The following ABCA2 variants were observed in gnomAD, a reference collection of about 807,000 sequenced individuals.
ABCA2 encodes ATP-binding cassette sub-family A member 2.
In ABCA2, 84 loss-of-function variants were observed where a neutral mutation model predicts 262.8. The observed-to-expected ratio is 0.32, with a 90% CI of 0.27 to 0.38. The LOEUF is 0.38. Among genes scored for constraint, ABCA2 ranks in the 10% least tolerant of loss-of-function variants. The probability of loss-of-function intolerance (pLI) is 1.00; values close to 1 mark genes in which losing one functional copy is unlikely to be tolerated. For synonymous variants in ABCA2, 1,696 were observed against 1,502.9 expected (o/e 1.13, Z -2.97); for missense variants, 2,662 against 3,405.9 (o/e 0.78, Z 5.44).
At position 137,021,271 on chromosome 9, in the gene ABCA2, C is replaced by A; in HGVS notation, c.897+121G>T. On this transcript the variant is annotated intron_variant, in intron 8 of 48. Transcript: ENST00000341511. The surrounding 1 kb of genome is among the most constrained non-coding windows in gnomAD (Gnocchi z 6.0). ...GCCATGGTGCCATTGGATACCCACC[C>A]ACAGGCAGCATCCCACGCACAGCCT... The A allele has an allele frequency of 7.4e-7, 1 of 1,355,388 alleles. No individual in the cohort carries two copies. Among genetic ancestry groups the A allele is most frequent in the Non-Finnish European group, 1.0e-6 (1 of 1,004,262 alleles). The allele number at this position is 1,355,388 out of a possible 1,614,324, so 84.0% of individuals were successfully genotyped here. A position where few individuals can be genotyped will look rare whatever the true frequency, so the allele number is the denominator to read the frequency against.
chr9:137,024,622 C>G (rs1831588981), intron 1 of ABCA2, among the ~76,000 whole-genome samples: 1 of 152,198 alleles, frequency 6.6e-6, no homozygotes, highest in Non-Finnish European at 1.5e-5. Flanking sequence ...ACTAGCCCCG[C>G]CTACACTTCC....
chr9:137,012,222 C>CCCCAACAA, intron 33 of ABCA2, 43 bp downstream of exon 33: 1 of 1,560,960 alleles, frequency 6.4e-7, no homozygotes, highest in Non-Finnish European at 8.8e-7. Flanking sequence ...GCCCCGGCCC[C>CCCCAACAA]AGCTCCTCCC....
intron 1 of ABCA2, 77 bp downstream of exon 1, chr9:137,027,998 C>G (rs962029547): frequency 1.2e-6 from 1 of 835,360 alleles, no homozygotes; most frequent in Non-Finnish European, 1.4e-6. Context: ...GCCGTCCGCA[C>G]GTGCGCGCGG....
Position 137,012,752 on chromosome 9 carries a change from C to CA in ABCA2, c.5040dup (p.Glu1681Ter). The CA allele has an allele frequency of 6.2e-7, 1 of 1,612,676 alleles. No individual in the cohort carries two copies. Among genetic ancestry groups the CA allele is most frequent in the Non-Finnish European group, 8.5e-7 (1 of 1,179,918 alleles). ...CGGTCGGAGGTGAAGAGCAGGTACT[C>CA]AGAGACATTGTGGCCGGTGATGTCG... On this transcript the variant is annotated frameshift_variant, in exon 31 of 49. Coordinates refer to ENST00000341511, the MANE Select transcript of ABCA2 (RefSeq NM_001606.5). LOFTEE classifies it high-confidence loss of function.
chr9:137,014,369 C>T lies in ABCA2; in HGVS notation c.4039G>A (p.Ala1347Thr), dbSNP rs946144449. The change falls in exon 27 of 49, where the codon GCG (alanine) becomes ACG (threonine). Residue 1347 changes from alanine to threonine, a missense_variant. By Grantham distance (58) the Ala-to-Thr change is moderately conservative. Around this residue, in one of 12 missense-constraint regions of ABCA2, gnomAD observed 297 missense variants for 286.5 expected, o/e 1.04. Coordinates refer to ENST00000341511, the MANE Select transcript of ABCA2 (RefSeq NM_001606.5). Reference protein sequence around the residue: ...KESRKDVLPGAEGPASGEGHA... With the variant: ...KESRKDVLPGTEGPASGEGHA... ...CCCTCCCCAGACGCCGGGCCCTCCG[C>T]CCCAGGGAGCACATCCTTCCTGGAC... The T allele has an allele frequency of 1.9e-6, 3 of 1,596,442 alleles. No individual in the cohort carries two copies. In the African/African-American group the frequency reaches 4.0e-5, roughly 21 times the overall value.
chr9:137,023,039 C>T lies in ABCA2; in HGVS notation c.177G>A (p.Ala59=), dbSNP rs533215580. The T allele has an allele frequency of 2.6e-5, 41 of 1,586,360 alleles. No individual in the cohort carries two copies. The East Asian group carries it at 5.7e-4, about 22-fold the overall frequency. The change falls in exon 4 of 49, where the codon GCG becomes GCA. Residue 59 remains alanine (A), a synonymous_variant. Transcript: ENST00000341511. ...GGATGCCGGCAGACGTCAGGGGCGCCGCTGTGTAGAAGGCTGGCAGACCCA... is the reference window on the plus strand; with the variant it reads ...GGATGCCGGCAGACGTCAGGGGCGCTGCTGTGTAGAAGGCTGGCAGACCCA... The part of the protein sequence containing the change: ...ISVKEVSFYT[A]APLTSAGILP...
rs1452828647 is a variant in ABCA2 at position 137,010,687 on chromosome 9, C to G, written c.6107G>C (p.Ser2036Thr). The G allele has an allele frequency of 1.2e-6, 2 of 1,612,510 alleles. No homozygotes were observed. ...KPVEDDVDVA[S>T]ERQRVLRGDA... ...TCCCCGGAGCACTCGCTGCCGCTCACTGGCCACGTCCACATCATCCTCCAC... is the reference window on the plus strand; with the variant it reads ...TCCCCGGAGCACTCGCTGCCGCTCAGTGGCCACGTCCACATCATCCTCCAC... The change falls in exon 40 of 49, where the codon AGT becomes ACT. Residue 2036 changes from serine (S) to threonine (T), a missense_variant. Transcript: ENST00000341511.
At chr9:137,022,602 A>G in intron 5 of ABCA2, 100 bp downstream of exon 5, 3 of 1,556,482 alleles carry the variant, frequency 1.9e-6, no homozygotes, top group Non-Finnish European at 2.6e-6. Flanking sequence ...CTGGGAACTC[A>G]GTGCAGGTGG....
chr9:137,008,311 C>G, intron 48 of ABCA2, 105 bp downstream of exon 48: 5 of 1,330,282 alleles, frequency 3.8e-6, no homozygotes, highest in Admixed American at 2.0e-5. Context: ...GGACAGCAAG[C>G]ATCCTGGGGC....
At chr9:137,017,463 T>G (rs1189016605) in intron 17 of ABCA2, 39 bp downstream of exon 17, 9 of 1,597,272 alleles carry the variant, frequency 5.6e-6, no homozygotes, top group Non-Finnish European at 7.7e-6. Context: ...GCTGGGCAAG[T>G]GCCTGCCCCA....
intron 10 of ABCA2, chr9:137,020,013 G>T: frequency 3.3e-6 from 1 of 305,938 alleles, no homozygotes. Flanking sequence ...AACCCAAACT[G>T]CCCAGCTGCC....
rs1220266662 is a variant in ABCA2, at chr9:137,011,385, C to T, written c.5799+22G>A. The stretch of plus-strand genomic sequence containing the variant: ...CAGCCTCCGCAGGGTCCGCCACCCC[C>T]ACCATGTCGTCACCGCCCCACCTTG... On this transcript the variant is annotated intron_variant, in intron 37 of 48. Transcript: ENST00000341511. The surrounding 1 kb of genome is among the most constrained non-coding windows in gnomAD (Gnocchi z 8.8). The T allele has an allele frequency of 6.2e-7, 1 of 1,608,662 alleles. No homozygotes were observed.
chr9:137,021,077 C>A lies in ABCA2; in HGVS notation c.898-16G>T. 6.8e-7 allele frequency: 1 copy of A among 1,470,014 alleles called. No homozygotes were observed. Among genetic ancestry groups the A allele is most frequent in the Non-Finnish European group, 9.0e-7 (1 of 1,110,080 alleles). 91.1% of individuals were successfully genotyped at this position (1,470,014 alleles called of 1,614,324 possible). A position where few individuals can be genotyped will look rare whatever the true frequency, so the allele number is the denominator to read the frequency against. ...CCAGGCCCAGCTGAGGGGAAACAGG[C>A]ACGTGGGCAGTGCGGGGTGAGATGG... On this transcript the variant is annotated splice_polypyrimidine_tract_variant and intron_variant, in intron 8 of 48. Transcript: ENST00000341511. The surrounding 1 kb of genome is among the most constrained non-coding windows in gnomAD (Gnocchi z 6.0).
chr9:137,028,212 G>A lies in ABCA2; in HGVS notation c.-72C>T. 1.0e-6 allele frequency: 1 copy of A among 976,760 alleles called. No individual in the cohort carries two copies. Among genetic ancestry groups the A allele is most frequent in the Non-Finnish European group, 1.2e-6 (1 of 825,324 alleles). 60.5% of individuals were successfully genotyped at this position (976,760 alleles called of 1,614,324 possible). On this transcript the variant is annotated 5_prime_UTR_variant, in exon 1 of 49. Coordinates refer to ENST00000341511, the MANE Select transcript of ABCA2 (RefSeq NM_001606.5). This position sits in a 1 kb window ranked among gnomAD's most constrained non-coding sequence, Gnocchi z 6.9. ...CGCGCCCCGCCGGGCCCCGCAGCCC[G>A]CCGCGCCGCTGGGCATCGCCCGCGC...
Position 137,012,856 on chromosome 9 carries a change from T to C in ABCA2, c.4937A>G (p.Gln1646Arg), listed in dbSNP as rs1831110365. 1.9e-6 allele frequency: 3 copies of C among 1,602,856 alleles called. No individual in the cohort carries two copies. The highest frequency in any genetic ancestry group is 1.3e-5 in the African/African-American group (1 of 74,812). Reference sequence around the variant, plus strand: ...GCTGGGGCAGGAGAAGCCGGTGCCCTGCGCAGAGCAGGTGCAGCGGACGGG... The same window carrying C: ...GCTGGGGCAGGAGAAGCCGGTGCCCCGCGCAGAGCAGGTGCAGCGGACGGG... ...REPVRCTCSA[Q>R]GTGFSCPSSV... is the part of the protein sequence containing the mutation. Residue 1646 changes from glutamine to arginine, a missense_variant, in exon 31 of 49, where the codon CAG (glutamine) becomes CGG (arginine). By Grantham distance (43) the Gln-to-Arg change is conservative. Coordinates refer to ENST00000341511, the MANE Select transcript of ABCA2 (RefSeq NM_001606.5).
Position 137,017,638 on chromosome 9 carries a change from T to C in ABCA2, c.2266A>G (p.Thr756Ala). Residue 756 changes from threonine to alanine, a missense_variant, in exon 17 of 49, where the codon ACC (threonine) becomes GCC (alanine). Around this residue, in one of 12 missense-constraint regions of ABCA2, gnomAD observed 188 missense variants for 343.4 expected, o/e 0.55. Coordinates refer to ENST00000341511, the MANE Select transcript of ABCA2 (RefSeq NM_001606.5). ...GAGATGGACAGCTGCACAAAGCCGGTGATGAACCAGGCCACCCAGTGCACC... is the reference window on the plus strand; with the variant it reads ...GAGATGGACAGCTGCACAAAGCCGGCGATGAACCAGGCCACCCAGTGCACC... ...NAVHWVAWFI[T>A]GFVQLSISVT... The C allele has an allele frequency of 6.2e-7, 1 of 1,612,668 alleles. No homozygotes were observed. The highest frequency in any genetic ancestry group is 8.5e-7 in the Non-Finnish European group (1 of 1,179,880).
In ABCA2 at chr9:137,028,192, CCCGCCGGGCCCCGCAGCCCGCCGCG is replaced by C. The variant is rs983695075; in HGVS notation, c.-77_-53del. Reference sequence around the variant, plus strand: ...CGCCGCGGCCCGCTCCTCTGCGCGCCCCGCCGGGCCCCGCAGCCCGCCGCGCCGCTGGGCATCGCCCGCGCGGGGG... The same window carrying C: ...CGCCGCGGCCCGCTCCTCTGCGCGCCCCGCTGGGCATCGCCCGCGCGGGGG... On this transcript the variant is annotated 5_prime_UTR_variant, in exon 1 of 49. It removes the in-frame stop codon of an upstream open reading frame in the 5' UTR. Coordinates refer to ENST00000341511, the MANE Select transcript of ABCA2 (RefSeq NM_001606.5). This position sits in a 1 kb window ranked among gnomAD's most constrained non-coding sequence, Gnocchi z 6.9. 1,010 of 979,970 alleles carry C rather than the reference CCCGCCGGGCCCCGCAGCCCGCCGCG, an allele frequency of 1.0e-3. No homozygotes were observed. Among genetic ancestry groups the C allele is most frequent in the Non-Finnish European group, 1.2e-3 (963 of 827,752 alleles). 60.7% of individuals were successfully genotyped at this position (979,970 alleles called of 1,614,324 possible). A position where few individuals can be genotyped will look rare whatever the true frequency, so the allele number is the denominator to read the frequency against.
In ABCA2 at chr9:137,013,079, G is replaced by C; in HGVS notation, c.4790C>G (p.Ala1597Gly). The C allele has an allele frequency of 6.4e-7, 1 of 1,570,148 alleles. No homozygotes were observed. The highest frequency in any genetic ancestry group is 8.6e-7 in the Non-Finnish European group (1 of 1,161,092). ...CGGGGACGCTGGCGAGTCAGATGGG[G>C]CGGGCGAGGGTGGGGGTGGCACGAA... ...SNFVPPPPSP[A>G]PSDSPASPDE... is the part of the protein sequence containing the mutation. Residue 1597 changes from alanine (A) to glycine (G), a missense_variant, in exon 30 of 49, where the codon GCC becomes GGC. By Grantham distance (60) the Ala-to-Gly change is moderately conservative (BLOSUM62 0). Around this residue, in one of 12 missense-constraint regions of ABCA2, gnomAD observed 192 missense variants for 207.2 expected, o/e 0.93. Transcript: ENST00000341511.
Position 137,019,659 on chromosome 9 carries a change from C to G in ABCA2, c.1426-353G>C, listed in dbSNP as rs1208517434. The G allele has an allele frequency of 8.6e-6, 2 of 233,670 alleles. No homozygotes were observed. The highest frequency in any genetic ancestry group is 4.7e-5 in the African/African-American group (2 of 42,764). 14.5% of individuals were successfully genotyped at this position (233,670 alleles called of 1,614,324 possible). A position where few individuals can be genotyped will look rare whatever the true frequency, so the allele number is the denominator to read the frequency against. ...CTTGTCTCAAACTCCTGAGCTCAAG[C>G]GATCCTCCCACCATGGCTTCCCAAA... On this transcript the variant is annotated intron_variant, in intron 10 of 48. Coordinates refer to ENST00000341511, the MANE Select transcript of ABCA2 (RefSeq NM_001606.5). This position sits in a 1 kb window ranked among gnomAD's most constrained non-coding sequence, Gnocchi z 4.4.
Sources: allele counts gnomAD v4.1 joint callset (sites outside exome capture counted in the v4.1 genomes callset), GRCh38; gene constraint gnomAD v4.1.1; regional missense constraint gnomAD v4.1.1; non-coding constraint Gnocchi (gnomAD v3.1); transcripts MANE v1.5; gene names NCBI Gene and HGNC (gene_info 2026-07-23, HGNC 2026-07-21).